Variants in MYRFL observed in about 807,000 individuals in gnomAD.
MYRFL encodes the protein myelin regulatory factor-like protein.
Under a neutral mutation model 109.4 loss-of-function variants are expected in MYRFL, and 88 were observed. The ratio of observed to expected loss-of-function variants is 0.80; its 90% CI spans 0.68 to 0.96. MYRFL has a LOEUF of 0.96. Ranked by LOEUF, MYRFL falls within the 40% of genes least tolerant of loss-of-function variation. The pLI, the probability that MYRFL is intolerant of heterozygous loss-of-function variation, is 0.00. For missense variants in MYRFL, 957 were observed against 954.9 expected, an observed-to-expected ratio of 1.00 and a Z score of -0.03; for synonymous variants, 324 against 320.9, an observed-to-expected ratio of 1.01 and a Z score of -0.10.
Position 69,825,282 on chromosome 12 carries a change from T to C in MYRFL, c.-236T>C. The C allele has an allele frequency of 3.0e-6, 2 of 672,588 alleles. No individual in the cohort carries two copies. The highest frequency in any genetic ancestry group is 5.4e-6 in the Non-Finnish European group (2 of 370,936). The allele number at this position is 672,588 out of a possible 1,614,324, so 41.7% of individuals were successfully genotyped here. On this transcript the variant is annotated 5_prime_UTR_variant, in exon 1 of 25. Transcript: ENST00000552032. ...GATGAATTTGCTACCTCTTCCCTCT[T>C]CATGAATTTTTTTTAAATGTATGGT...
chr12:69,958,582 T>TAACA lies in MYRFL; in HGVS notation c.*52_*55dup. On this transcript the variant is annotated 3_prime_UTR_variant, in exon 25 of 25. Coordinates refer to ENST00000552032, the MANE Select transcript of MYRFL (RefSeq NM_182530.3). ...AAAGAAAAATACTCAGGAATACATTTAACAGAAACGAACATCCTCTTGCAA... is the reference window on the plus strand; with the variant it reads ...AAAGAAAAATACTCAGGAATACATTTAACAAACAGAAACGAACATCCTCTTGCAA... 2 of 1,315,242 alleles carry TAACA rather than the reference T, an allele frequency of 1.5e-6. No homozygotes were observed. Among genetic ancestry groups the TAACA allele is most frequent in the East Asian group, 5.0e-5 (2 of 39,698 alleles). 81.5% of individuals were successfully genotyped at this position (1,315,242 alleles called of 1,614,324 possible). A position where few individuals can be genotyped will look rare whatever the true frequency, so the allele number is the denominator to read the frequency against.
intron 15 of MYRFL, among the ~76,000 whole-genome samples, chr12:69,928,875 T>G (rs780811817): frequency 1.3e-5 from 2 of 152,252 alleles, no homozygotes; most frequent in African/African-American, 2.4e-5. Context: ...ACAGAGGGAA[T>G]GGTATCCACA....
At chr12:69,910,967 C>A in intron 13 of MYRFL, 37 bp downstream of exon 13, 1 of 1,425,750 alleles carries the variant, frequency 7.0e-7, no homozygotes, top group Non-Finnish European at 9.5e-7. Flanking sequence ...TATAAGCTAT[C>A]AGTCTAGGGA....
At chr12:69,938,313 A>G (rs789559) in intron 19 of MYRFL, among the ~76,000 whole-genome samples, 117,373 of 152,136 alleles carry the variant, frequency 0.77, 45,473 homozygotes, top group Middle Eastern at 0.89. Context: ...TTCTCAAAGC[A>G]GTCCTCAGAA....
intron 2 of MYRFL, 117 bp downstream of exon 2, chr12:69,855,487 A>G (rs1219267344): frequency 5.0e-6 from 3 of 595,940 alleles, no homozygotes; most frequent in Non-Finnish European, 6.0e-6. Flanking sequence ...TAGAGTTGAC[A>G]TTATTATGTC....
At chr12:69,879,155 C>A (rs1439790848) in intron 3 of MYRFL, 40 bp from the exon 4 acceptor site, 2 of 658,286 alleles carry the variant, frequency 3.0e-6, no homozygotes, top group African/African-American at 3.7e-5. Flanking sequence ...CGACTCTGGG[C>A]CGTGAGAAAG....
intron 13 of MYRFL, among the ~76,000 whole-genome samples, chr12:69,917,859 A>G (rs941388622): frequency 6.6e-6 from 1 of 151,988 alleles, no homozygotes; most frequent in East Asian, 1.9e-4. Flanking sequence ...TGAGGAAAAG[A>G]TAAGGTCAAT....
At chr12:69,935,817 C>G (rs1172118045) in intron 16 of MYRFL, 2 of 399,384 alleles carry the variant, frequency 5.0e-6, no homozygotes, top group Admixed American at 8.4e-5. Flanking sequence ...TAATCTTCCA[C>G]TAGTGACAGG....
intron 1 of MYRFL, among the ~76,000 whole-genome samples, chr12:69,829,255 G>A (rs575359587): frequency 6.1e-4 from 93 of 152,188 alleles, no homozygotes; most frequent in Non-Finnish European, 8.8e-4. Flanking sequence ...CCCCTGTCTC[G>A]CTGCTTAAGA....
intron 2 of MYRFL, among the ~76,000 whole-genome samples, chr12:69,859,732 A>G (rs1188576474): frequency 6.6e-6 from 1 of 152,178 alleles, no homozygotes; most frequent in African/African-American, 2.4e-5. Context: ...ACCATCTCAC[A>G]CCAGTTAGAA....
intron 15 of MYRFL, among the ~76,000 whole-genome samples, chr12:69,930,454 G>A (rs1431147724): frequency 6.6e-6 from 1 of 152,012 alleles, no homozygotes; most frequent in East Asian, 1.9e-4. Flanking sequence ...TAGGACTCAG[G>A]ATGAGATAGG....
At chr12:69,857,294 C>A (rs1204429477) in intron 2 of MYRFL, among the ~76,000 whole-genome samples, 1 of 151,836 alleles carries the variant, frequency 6.6e-6, no homozygotes, top group Non-Finnish European at 1.5e-5. Context: ...TGTACACAGG[C>A]ACTTTATTAT....
chr12:69,872,375 G>T (rs565007953), intron 2 of MYRFL, among the ~76,000 whole-genome samples: 1 of 152,090 alleles, frequency 6.6e-6, no homozygotes, highest in Admixed American at 6.5e-5. Flanking sequence ...CTAGGCTGAA[G>T]TGCAGTGGCA....
intron 2 of MYRFL, among the ~76,000 whole-genome samples, chr12:69,877,456 T>C (rs1405026629): frequency 6.6e-6 from 1 of 152,208 alleles, no homozygotes; most frequent in Non-Finnish European, 1.5e-5. Flanking sequence ...AAACTTCTTG[T>C]TGGATCCCTC....
chr12:69,853,456 A>T (rs1000642244), intron 1 of MYRFL, among the ~76,000 whole-genome samples: 1 of 137,042 alleles, frequency 7.3e-6, no homozygotes, highest in Non-Finnish European at 1.6e-5. Context: ...TCGGGCAGAG[A>T]CACTCCTCAG....
intron 11 of MYRFL, among the ~76,000 whole-genome samples, chr12:69,909,444 A>G (rs1048101272): frequency 5.9e-5 from 9 of 152,196 alleles, no homozygotes; most frequent in Non-Finnish European, 1.5e-5. Flanking sequence ...AATTGCCTCA[A>G]TAGCTACTCA....
chr12:69,928,661 G>A (rs750612006), intron 15 of MYRFL, among the ~76,000 whole-genome samples: 5 of 152,168 alleles, frequency 3.3e-5, no homozygotes, highest in Admixed American at 1.3e-4. Flanking sequence ...AAAAATATAC[G>A]TAGAAGTGCT....
intron 2 of MYRFL, among the ~76,000 whole-genome samples, chr12:69,877,762 C>T (rs1281078687): frequency 6.6e-6 from 1 of 152,128 alleles, no homozygotes; most frequent in Non-Finnish European, 1.5e-5. Flanking sequence ...AGCTTTTCAT[C>T]GTATTATGTT....
At chr12:69,834,129 G>T (rs1278849302) in intron 1 of MYRFL, among the ~76,000 whole-genome samples, 1 of 152,178 alleles carries the variant, frequency 6.6e-6, no homozygotes, top group Non-Finnish European at 1.5e-5. Flanking sequence ...GCTATGCTCA[G>T]AAGTGCAGTA....
Sources: allele counts gnomAD v4.1 joint callset (sites outside exome capture counted in the v4.1 genomes callset), GRCh38; gene constraint gnomAD v4.1.1; transcripts MANE v1.5; gene names NCBI Gene and HGNC (gene_info 2026-07-23, HGNC 2026-07-21).